The following CFAP299 variants were observed in gnomAD, a reference collection of about 807,000 sequenced individuals.
The protein encoded by CFAP299 is cilia and flagella associated protein 299, also known as cilia- and flagella-associated protein 299.
CFAP299 carries 21 observed loss-of-function variants against 27.0 expected under a neutral mutation model. That is an observed-to-expected ratio of 0.78 (90% CI 0.55 to 1.12). The LOEUF (loss-of-function observed/expected upper bound fraction) is 1.12, where lower values mean the gene tolerates loss of function less well. CFAP299 is among the 50% of genes most tolerant of loss of function. The probability of loss-of-function intolerance (pLI) is 0.00; values close to 1 mark genes in which losing one functional copy is unlikely to be tolerated. For missense variants in CFAP299, 310 were observed against 276.6 expected (o/e 1.12, Z -0.86); for synonymous variants, 104 against 98.1 (o/e 1.06, Z -0.36).
intron 3 of CFAP299, among the ~76,000 whole-genome samples, chr4:80,668,173 A>G (rs1228470270): frequency 6.9e-6 from 1 of 144,120 alleles, no homozygotes; most frequent in East Asian, 2.0e-4. Flanking sequence ...TTTTTTTGCT[A>G]ATTGTTCAAG....
chr4:80,546,870 C>T (rs547596152), intron 2 of CFAP299, among the ~76,000 whole-genome samples: 4 of 152,102 alleles, frequency 2.6e-5, no homozygotes, highest in African/African-American at 4.8e-5. Context: ...GTAAATTGCT[C>T]GGCCTCATGT....
chr4:80,859,922 A>G (rs34068083), intron 3 of CFAP299, among the ~76,000 whole-genome samples: 22,086 of 151,734 alleles, frequency 0.15, 1,963 homozygotes, highest in Middle Eastern at 0.26. Flanking sequence ...TATCTTTGTG[A>G]CATTCTCTTT....
chr4:80,534,400 A>G (rs1376420625), intron 2 of CFAP299, among the ~76,000 whole-genome samples: 1 of 151,206 alleles, frequency 6.6e-6, no homozygotes, highest in African/African-American at 2.4e-5. Flanking sequence ...ACATAGTTCT[A>G]TACAGAGATA....
intron 3 of CFAP299, among the ~76,000 whole-genome samples, chr4:80,779,770 C>T (rs1726766400): frequency 6.6e-6 from 1 of 151,964 alleles, no homozygotes; most frequent in South Asian, 2.1e-4. Context: ...ACTGTTGTGT[C>T]TTCTCAATCT....
At chr4:80,580,760 G>A (rs531024689) in intron 2 of CFAP299, among the ~76,000 whole-genome samples, 2 of 152,082 alleles carry the variant, frequency 1.3e-5, no homozygotes, top group African/African-American at 4.8e-5. Context: ...AGACAGGATT[G>A]TATTTTCTCA....
At chr4:80,511,501 T>C (rs747611193) in intron 2 of CFAP299, among the ~76,000 whole-genome samples, 28 of 152,152 alleles carry the variant, frequency 1.8e-4, no homozygotes, top group Non-Finnish European at 3.1e-4. Flanking sequence ...CTATGACATA[T>C]TGAAGTATTC....
At chr4:80,619,628 C>T (rs1203364240) in intron 3 of CFAP299, among the ~76,000 whole-genome samples, 2 of 152,062 alleles carry the variant, frequency 1.3e-5, no homozygotes, top group African/African-American at 2.4e-5. Context: ...ATACAGAATA[C>T]AGTGTTTGCT....
chr4:80,493,007 C>T (rs1443240848), intron 2 of CFAP299, among the ~76,000 whole-genome samples: 1 of 152,062 alleles, frequency 6.6e-6, no homozygotes, highest in African/African-American at 2.4e-5. Flanking sequence ...CTCCTATCTC[C>T]AGGAAGTGGT....
intron 3 of CFAP299, among the ~76,000 whole-genome samples, chr4:80,667,966 A>G (rs954720584): frequency 6.6e-6 from 1 of 152,006 alleles, no homozygotes; most frequent in Non-Finnish European, 1.5e-5. Context: ...CTCTTTTTCT[A>G]CATTCTTGTC....
chr4:80,857,554 G>A (rs1249506316), intron 3 of CFAP299, among the ~76,000 whole-genome samples: 1 of 152,110 alleles, frequency 6.6e-6, no homozygotes, highest in Non-Finnish European at 1.5e-5. Flanking sequence ...GTCATAGATA[G>A]CTGTTATTAT....
intron 3 of CFAP299, among the ~76,000 whole-genome samples, chr4:80,613,767 C>T (rs1162911640): frequency 1.3e-5 from 2 of 152,094 alleles, no homozygotes; most frequent in Non-Finnish European, 2.9e-5. Flanking sequence ...ACATCATTTC[C>T]CTGTGCACTT....
intron 3 of CFAP299, among the ~76,000 whole-genome samples, chr4:80,733,751 T>C (rs1263528689): frequency 6.6e-6 from 1 of 152,126 alleles, no homozygotes; most frequent in Non-Finnish European, 1.5e-5. Context: ...TTTTACTTAA[T>C]ATAATGACCT....
At chr4:80,356,855 A>G (rs991930735) in intron 1 of CFAP299, among the ~76,000 whole-genome samples, 2 of 152,122 alleles carry the variant, frequency 1.3e-5, no homozygotes, top group Admixed American at 6.6e-5. Flanking sequence ...TGCCCTGGCC[A>G]GAACTTCCAA....
At chr4:80,883,071 C>T (rs1393352475) in intron 4 of CFAP299, among the ~76,000 whole-genome samples, 1 of 126,318 alleles carries the variant, frequency 7.9e-6, no homozygotes, top group East Asian at 2.3e-4. Context: ...AAGACAAATG[C>T]ATAACAATAT....
At chr4:80,862,091 C>T (rs1268401216) in intron 3 of CFAP299, among the ~76,000 whole-genome samples, 1 of 152,126 alleles carries the variant, frequency 6.6e-6, no homozygotes, top group Non-Finnish European at 1.5e-5. Flanking sequence ...GCCATTTAGT[C>T]AGGTGCAGTG....
chr4:80,513,137 C>T (rs1578538011), intron 2 of CFAP299, among the ~76,000 whole-genome samples: 2 of 152,118 alleles, frequency 1.3e-5, no homozygotes, highest in African/African-American at 2.4e-5. Flanking sequence ...TCAGTTATCC[C>T]AGTATAATAA....
Position 80,882,455 on chromosome 4 carries a change from G to A in CFAP299, c.476+12320G>A, listed in dbSNP as rs531470514. On this transcript the variant is annotated intron_variant, in intron 4 of 5. Coordinates refer to ENST00000358105, the MANE Select transcript of CFAP299 (RefSeq NM_152770.3). ...AGATCGAGACCATCCTGGCTAACAC[G>A]GTGAAACCCCGTCTCTACTAAAAGT... 2.0e-5 allele frequency among the ~76,000 whole-genome samples: 3 copies of A among 152,120 alleles called. 1 individual carries two copies. The highest frequency in any genetic ancestry group is 7.2e-5 in the African/African-American group (3 of 41,506).
intron 3 of CFAP299, among the ~76,000 whole-genome samples, chr4:80,731,239 A>G (rs896468435): frequency 2.0e-5 from 3 of 152,188 alleles, no homozygotes; most frequent in Non-Finnish European, 4.4e-5. Flanking sequence ...ATCAACTCAC[A>G]TACTGAAGCT....
chr4:80,572,129 T>A (rs1735612467), intron 2 of CFAP299, among the ~76,000 whole-genome samples: 1 of 152,164 alleles, frequency 6.6e-6, no homozygotes, highest in Non-Finnish European at 1.5e-5. Flanking sequence ...GTAAATGGGG[T>A]ATCAACATTA....
Sources: allele counts gnomAD v4.1 joint callset (sites outside exome capture counted in the v4.1 genomes callset), GRCh38; gene constraint gnomAD v4.1.1; transcripts MANE v1.5; gene names NCBI Gene and HGNC (gene_info 2026-07-23, HGNC 2026-07-21).